GLT1D1: variants seen among roughly 807,000 people sequenced by gnomAD.
GLT1D1 encodes the protein glycosyltransferase 1 domain containing 1.
GLT1D1 carries 21 observed loss-of-function variants against 28.7 expected under a neutral mutation model. The ratio of observed to expected loss-of-function variants is 0.73; its 90% CI spans 0.52 to 1.05. The LOEUF (loss-of-function observed/expected upper bound fraction) is 1.05, where lower values mean the gene tolerates loss of function less well. Among genes scored for constraint, GLT1D1 ranks in the 50% least tolerant of loss-of-function variants. The pLI, the probability that GLT1D1 is intolerant of heterozygous loss-of-function variation, is 0.00. For missense variants in GLT1D1, 343 were observed against 330.6 expected, an observed-to-expected ratio of 1.04 and a Z score of -0.29; for synonymous variants, 147 against 124.8, an observed-to-expected ratio of 1.18 and a Z score of -1.19.
chr12:128,869,496 T>C (rs1370101586), intron 1 of GLT1D1, among the ~76,000 whole-genome samples: 4 of 152,006 alleles, frequency 2.6e-5, no homozygotes, highest in Non-Finnish European at 5.9e-5. Context: ...AAATTATATA[T>C]TTGAAATATT....
At chr12:128,936,790 G>A (rs1448394898) in intron 4 of GLT1D1, among the ~76,000 whole-genome samples, 3 of 152,158 alleles carry the variant, frequency 2.0e-5, no homozygotes, top group Admixed American at 2.0e-4. Flanking sequence ...AGCTTGGAAG[G>A]AGGAAATGAG....
intron 6 of GLT1D1, among the ~76,000 whole-genome samples, chr12:128,948,450 T>A (rs1876353751): frequency 6.6e-6 from 1 of 152,176 alleles, no homozygotes; most frequent in Non-Finnish European, 1.5e-5. Context: ...ACCACAAGCC[T>A]GATTCCCTTG....
At chr12:128,899,358 G>C (rs1426361201) in intron 4 of GLT1D1, 71 bp downstream of exon 4, 1 of 1,238,250 alleles carries the variant, frequency 8.1e-7, no homozygotes, top group Non-Finnish European at 1.2e-6. Context: ...CCGAAAGGCA[G>C]CCTTACTGAG....
chr12:128,871,610 G>C (rs1956690744), intron 1 of GLT1D1, among the ~76,000 whole-genome samples: 1 of 150,638 alleles, frequency 6.6e-6, no homozygotes, highest in African/African-American at 2.4e-5. Flanking sequence ...TATGCCCCAG[G>C]GTCAGACGAT....
At chr12:128,868,579 G>A (rs185913922) in intron 1 of GLT1D1, among the ~76,000 whole-genome samples, 94 of 152,250 alleles carry the variant, frequency 6.2e-4, no homozygotes, top group African/African-American at 2.2e-3. Flanking sequence ...ATACCATTAG[G>A]GAGGTTGGAA....
At position 128,908,816 on chromosome 12, in the gene GLT1D1, A is replaced by G. The variant is rs1011693246; in HGVS notation, c.375+9529A>G. Reference sequence around the variant, plus strand: ...TACAAAAAATTAGCCGGGCGTGGTGACGGGCGCCTGTAGTCCCAGCTACTC... The same window carrying G: ...TACAAAAAATTAGCCGGGCGTGGTGGCGGGCGCCTGTAGTCCCAGCTACTC... On this transcript the variant is annotated intron_variant, in intron 4 of 7. Transcript: ENST00000281703. Among the ~76,000 whole-genome samples, 43 of 152,044 alleles carry G rather than the reference A, an allele frequency of 2.8e-4. No individual in the cohort carries two copies. The East Asian group carries it at 4.8e-3, about 17-fold the overall frequency.
chr12:128,920,728 G>A (rs758145981), intron 4 of GLT1D1, among the ~76,000 whole-genome samples: 2 of 152,122 alleles, frequency 1.3e-5, no homozygotes, highest in Non-Finnish European at 2.9e-5. Flanking sequence ...ATGCCAGATC[G>A]TGAAAACAAC....
chr12:128,939,757 G>T (rs140708941), intron 4 of GLT1D1, among the ~76,000 whole-genome samples: 1,584 of 151,564 alleles, frequency 0.01, 9 homozygotes, highest in Middle Eastern at 0.024. Flanking sequence ...GGCTGGAGGT[G>T]CCACACACAT....
intron 2 of GLT1D1, among the ~76,000 whole-genome samples, chr12:128,878,774 C>T (rs906962871): frequency 6.6e-5 from 10 of 151,962 alleles, no homozygotes; most frequent in African/African-American, 1.9e-4. Context: ...CCACCATGCC[C>T]GGCTATTTTT....
intron 7 of GLT1D1, among the ~76,000 whole-genome samples, chr12:128,974,255 C>T (rs544070807): frequency 3.9e-5 from 6 of 152,238 alleles, no homozygotes; most frequent in African/African-American, 7.2e-5. Flanking sequence ...GGCTGATGGC[C>T]GGAGTCCTTG....
chr12:128,886,726 C>T (rs904281164), intron 2 of GLT1D1, among the ~76,000 whole-genome samples: 8 of 151,896 alleles, frequency 5.3e-5, no homozygotes, highest in Non-Finnish European at 1.0e-4. Flanking sequence ...GATAGTCTAC[C>T]GTAATACCCC....
At chr12:128,928,626 TTC>T in intron 4 of GLT1D1, among the ~76,000 whole-genome samples, 1 of 151,728 alleles carries the variant, frequency 6.6e-6, no homozygotes. Flanking sequence ...TTTTTTTTCT[TTC>T]TTTCTTTTTG....
chr12:128,957,816 C>T (rs1381483417), intron 7 of GLT1D1, among the ~76,000 whole-genome samples, 173 bp downstream of exon 11: 2 of 152,198 alleles, frequency 1.3e-5, no homozygotes, highest in Non-Finnish European at 2.9e-5. Context: ...GTACCACTAG[C>T]AGAAGCCTAG....
At chr12:128,868,329 G>A (rs1373255326) in intron 1 of GLT1D1, among the ~76,000 whole-genome samples, 1 of 152,200 alleles carries the variant, frequency 6.6e-6, no homozygotes, top group Admixed American at 6.5e-5. Flanking sequence ...CGGATGTTTT[G>A]ATTGGCATGA....
intron 6 of GLT1D1, among the ~76,000 whole-genome samples, chr12:128,954,406 A>G (rs866457537): frequency 6.6e-6 from 1 of 151,820 alleles, no homozygotes; most frequent in Non-Finnish European, 1.5e-5. Flanking sequence ...CTGGGATTAC[A>G]GGCGTGAGCC....
intron 1 of GLT1D1, among the ~76,000 whole-genome samples, chr12:128,865,140 C>G (rs1593049848): frequency 6.6e-6 from 1 of 152,180 alleles, no homozygotes; most frequent in East Asian, 1.9e-4. Context: ...GAGGCTTCTG[C>G]CAGGACCTGC....
In GLT1D1 at chr12:128,874,115, TCTCTC is replaced by T. The variant is rs1566091271; in HGVS notation, c.69-1798_69-1794del. Among the ~76,000 whole-genome samples, 151 of 69,376 alleles carry T rather than the reference TCTCTC, an allele frequency of 2.2e-3. 1 individual carries two copies. Among genetic ancestry groups the T allele is most frequent in the Admixed American group, 9.7e-3 (56 of 5,788 alleles). The allele number at this position is 69,376 out of a possible 152,430, so 45.5% of individuals were successfully genotyped here. A position where few individuals can be genotyped will look rare whatever the true frequency, so the allele number is the denominator to read the frequency against. On this transcript the variant is annotated intron_variant, in intron 1 of 7. Coordinates refer to ENST00000281703, the MANE Select transcript of GLT1D1 (RefSeq NM_144669.3). ...TTCTTTCTTTCTCTCTCTCTCTCTC[TCTCTC>T]TCTCTCTTTCTTTCTTTCTTTCTTT...
chr12:128,893,275 C>T (rs1869269075), intron 3 of GLT1D1, among the ~76,000 whole-genome samples: 1 of 151,854 alleles, frequency 6.6e-6, no homozygotes, highest in Non-Finnish European at 1.5e-5. Context: ...AAAAAATTAT[C>T]GTCAAGCAAA....
chr12:128,856,334 G>C (rs1014381379), intron 1 of GLT1D1, among the ~76,000 whole-genome samples: 2 of 152,104 alleles, frequency 1.3e-5, no homozygotes, highest in African/African-American at 4.8e-5. Flanking sequence ...CTCATTCTGT[G>C]ACTTAGAATG....
Sources: allele counts gnomAD v4.1 joint callset (sites outside exome capture counted in the v4.1 genomes callset), GRCh38; gene constraint gnomAD v4.1.1; transcripts MANE v1.5; gene names NCBI Gene and HGNC (gene_info 2026-07-23, HGNC 2026-07-21).